DNTT: variants seen among roughly 807,000 people sequenced by gnomAD.
DNTT encodes the protein DNA nucleotidylexotransferase.
A neutral mutation model predicts 60.9 loss-of-function variants in DNTT; 47 were observed. The ratio of observed to expected loss-of-function variants is 0.77; its 90% CI spans 0.61 to 0.98. The LOEUF (loss-of-function observed/expected upper bound fraction) is 0.98. Ranked by LOEUF, DNTT falls within the 50% of genes least tolerant of loss-of-function variation. DNTT has a pLI of 0.00. For synonymous variants in DNTT, 224 were observed against 221.2 expected (o/e 1.01, Z -0.11); for missense variants, 665 against 627.5 (o/e 1.06, Z -0.64).
At chr10:96,305,623 C>T (rs1470456836) in intron 1 of DNTT, among the ~76,000 whole-genome samples, 9 of 152,162 alleles carry the variant, frequency 5.9e-5, no homozygotes, top group African/African-American at 2.2e-4. Context: ...CACAAATTTT[C>T]AGGCAAAACT....
chr10:96,306,283 G>T (rs1050902464), intron 1 of DNTT, among the ~76,000 whole-genome samples: 1 of 152,068 alleles, frequency 6.6e-6, no homozygotes, highest in East Asian at 1.9e-4. Context: ...TAGTAGAGAC[G>T]GGGTTTCACT....
In DNTT at chr10:96,329,243, C is replaced by T. The variant is rs542305091; in HGVS notation, c.1113+413C>T. Reference sequence around the variant, plus strand: ...AGTCTAAGAGGTGTTGATAGTGCCTCGATAGATTCGAGGCACTTCGTGCTG... The same window carrying T: ...AGTCTAAGAGGTGTTGATAGTGCCTTGATAGATTCGAGGCACTTCGTGCTG... On this transcript the variant is annotated intron_variant, in intron 8 of 10. Transcript: ENST00000371174. Among the ~76,000 whole-genome samples the T allele has an allele frequency of 6.6e-5, 10 of 152,236 alleles. No homozygotes were observed. The East Asian group carries it at 1.5e-3, about 24-fold the overall frequency.
chr10:96,304,559 C>A lies in DNTT; in HGVS notation c.62C>A (p.Ala21Asp), dbSNP rs749423194. The A allele has an allele frequency of 1.9e-6, 3 of 1,614,154 alleles. No individual in the cohort carries two copies. In the South Asian group the frequency reaches 3.3e-5, roughly 18 times the overall value. ...AAGAAGAGACCCCGGCAGACGGGTG[C>A]CTTGATGGCCTCCTCTCCTCAAGAC... The part of the protein sequence containing the change: ...PRKKRPRQTG[A>D]LMASSPQDIK... The change falls in exon 1 of 11, where the codon GCC becomes GAC. Residue 21 changes from alanine (A) to aspartate (D), a missense_variant. By Grantham distance (126) the Ala-to-Asp change is moderately radical. Transcript: ENST00000371174.
chr10:96,336,940 G>GA (rs71034371), intron 10 of DNTT, among the ~76,000 whole-genome samples: 84,339 of 128,780 alleles, frequency 0.65, 30,923 homozygotes, highest in Non-Finnish European at 0.81. Context: ...TCTGTGTCAG[G>GA]AAAAAAAAAA....
In DNTT at chr10:96,332,584, G is replaced by A; in HGVS notation, c.1347G>A (p.Trp449Ter). Residue 449 changes from tryptophan to a stop codon, truncating the protein, a stop_gained, in exon 9 of 11, where the codon TGG (tryptophan) becomes TGA (stop). Coordinates refer to ENST00000371174, the MANE Select transcript of DNTT (RefSeq NM_004088.4). LOFTEE classifies it high-confidence loss of function. ...YERRAFALLGWTGSRQFERDL... is the reference protein window; with the variant it reads ...YERRAFALLG ...GTCGTGCCTTTGCCCTGTTGGGATG[G>A]ACTGGCTCCCGGGTAAGTGCTACAT... 1 of 1,613,042 alleles carries A rather than the reference G, an allele frequency of 6.2e-7. No homozygotes were observed. The highest frequency in any genetic ancestry group is 8.5e-7 in the Non-Finnish European group (1 of 1,179,646).
At chr10:96,307,723 A>G (rs1188528977) in intron 1 of DNTT, among the ~76,000 whole-genome samples, 1 of 141,584 alleles carries the variant, frequency 7.1e-6, no homozygotes, top group African/African-American at 2.6e-5. Flanking sequence ...ATATATATAT[A>G]TATATATATA....
chr10:96,324,464 T>A, intron 6 of DNTT, 75 bp downstream of exon 6: 1 of 1,584,952 alleles, frequency 6.3e-7, no homozygotes, highest in Non-Finnish European at 8.6e-7. Flanking sequence ...TCAGTTACAC[T>A]GCAACTCCAA....
At chr10:96,305,345 G>C (rs957024213) in intron 1 of DNTT, among the ~76,000 whole-genome samples, 19 of 152,288 alleles carry the variant, frequency 1.2e-4, no homozygotes, top group Admixed American at 1.2e-3. Context: ...CAGGCAAGGA[G>C]GCGATAGAAG....
chr10:96,307,703 G>GTATATATATATATATATA (rs1344781767), intron 1 of DNTT, among the ~76,000 whole-genome samples: 5 of 35,290 alleles, frequency 1.4e-4, no homozygotes, highest in African/African-American at 4.3e-4. Flanking sequence ...GTGTGTGTGT[G>GTATATATATATATATATA]TGTATATATA....
At chr10:96,313,450 C>T (rs1589369956) in intron 1 of DNTT, among the ~76,000 whole-genome samples, 1 of 152,076 alleles carries the variant, frequency 6.6e-6, no homozygotes, top group Non-Finnish European at 1.5e-5. Context: ...TAAAGAAAAA[C>T]ATTTCAAACA....
In DNTT at chr10:96,338,357, A is replaced by G. The variant is rs1845097853; in HGVS notation, c.*133A>G. On this transcript the variant is annotated 3_prime_UTR_variant, in exon 11 of 11. Transcript: ENST00000371174. Reference sequence around the variant, plus strand: ...AAATGCAGATTGCTACTAGAAATAAATAACTTTGGAAACATGGGAAGGTGC... The same window carrying G: ...AAATGCAGATTGCTACTAGAAATAAGTAACTTTGGAAACATGGGAAGGTGC... The G allele has an allele frequency of 1.3e-6, 1 of 775,674 alleles. No individual in the cohort carries two copies. The highest frequency in any genetic ancestry group is 1.8e-5 in the African/African-American group (1 of 56,892). The allele number at this position is 775,674 out of a possible 1,614,324, so 48.0% of individuals were successfully genotyped here. A position where few individuals can be genotyped will look rare whatever the true frequency, so the allele number is the denominator to read the frequency against.
At chr10:96,309,979 T>G (rs1473283802) in intron 1 of DNTT, among the ~76,000 whole-genome samples, 2 of 152,148 alleles carry the variant, frequency 1.3e-5, no homozygotes, top group Non-Finnish European at 2.9e-5. Context: ...AAGCAACCCT[T>G]CAAAGAGGTA....
Position 96,332,245 on chromosome 10 carries a change from G to A in DNTT, c.1114-106G>A, listed in dbSNP as rs75652761. ...GCCTTTAATGCAAGGCCAAACACAT[G>A]TCCATGTTCTGCTCGAATCTGAAAA... On this transcript the variant is annotated intron_variant, in intron 8 of 10. Coordinates refer to ENST00000371174, the MANE Select transcript of DNTT (RefSeq NM_004088.4). 9.7e-4 allele frequency: 1,460 copies of A among 1,505,074 alleles called. 1 individual carries two copies. Among genetic ancestry groups the A allele is most frequent in the Non-Finnish European group, 1.2e-3 (1,360 of 1,122,674 alleles). The allele number at this position is 1,505,074 out of a possible 1,614,324, so 93.2% of individuals were successfully genotyped here.
intron 1 of DNTT, among the ~76,000 whole-genome samples, chr10:96,315,919 A>G (rs1482633194): frequency 6.6e-6 from 1 of 152,160 alleles, no homozygotes; most frequent in Non-Finnish European, 1.5e-5. Context: ...GGAAGTGGTT[A>G]TCCATCTTCC....
At chr10:96,315,102 C>A (rs1248331653) in intron 1 of DNTT, among the ~76,000 whole-genome samples, 1 of 152,166 alleles carries the variant, frequency 6.6e-6, no homozygotes, top group Non-Finnish European at 1.5e-5. Flanking sequence ...TGCAGAGGAT[C>A]AGCCGAACTC....
At chr10:96,316,196 C>T (rs1589371075) in intron 1 of DNTT, among the ~76,000 whole-genome samples, 1 of 152,190 alleles carries the variant, frequency 6.6e-6, no homozygotes, top group African/African-American at 2.4e-5. Flanking sequence ...AGTGCCATTA[C>T]TTTACTGTGA....
rs151087590 is a variant in DNTT at position 96,330,877 on chromosome 10, C to T, written c.1114-1474C>T. Among the ~76,000 whole-genome samples the T allele has an allele frequency of 2.5e-3, 385 of 152,236 alleles. 1 individual carries two copies. The highest frequency in any genetic ancestry group is 8.9e-3 in the African/African-American group (369 of 41,534). On this transcript the variant is annotated intron_variant, in intron 8 of 10. Transcript: ENST00000371174. ...ACCTTCCAATTGCTTCTGATGATAG[C>T]GCTTTTAAACATCTAACCTAAAGAG...
chr10:96,335,847 A>T (rs1355706745), intron 9 of DNTT, 44 bp from the exon 10 acceptor site: 4 of 1,598,770 alleles, frequency 2.5e-6, no homozygotes, highest in Admixed American at 3.3e-5. Flanking sequence ...TACTGAAGAC[A>T]TTCTAGACGT....
intron 4 of DNTT, among the ~76,000 whole-genome samples, chr10:96,321,810 C>G (rs925011147): frequency 6.6e-6 from 1 of 152,108 alleles, no homozygotes; most frequent in African/African-American, 2.4e-5. Flanking sequence ...CCTGCTCATG[C>G]CTGACTAGCT....
Sources: allele counts gnomAD v4.1 joint callset (sites outside exome capture counted in the v4.1 genomes callset), GRCh38; gene constraint gnomAD v4.1.1; transcripts MANE v1.5; gene names NCBI Gene and HGNC (gene_info 2026-07-23, HGNC 2026-07-21).